Variants in TOX observed in about 807,000 individuals in gnomAD.
TOX encodes the protein thymocyte selection associated high mobility group box.
In TOX, 11 loss-of-function variants were observed where a neutral mutation model predicts 53.7. The observed-to-expected ratio is 0.20, with a 90% CI of 0.13 to 0.34. The LOEUF (loss-of-function observed/expected upper bound fraction) is 0.34, where lower values mean the gene tolerates loss of function less well. TOX is among the 10% of genes least tolerant of loss of function. The pLI is 1.00. For synonymous variants in TOX, 225 were observed against 245.3 expected (o/e 0.92, Z 0.77); for missense variants, 570 against 664.6 (o/e 0.86, Z 1.56).
At chr8:59,033,772 G>A (rs1390938591) in intron 1 of TOX, among the ~76,000 whole-genome samples, 1 of 152,136 alleles carries the variant, frequency 6.6e-6, no homozygotes, top group Non-Finnish European at 1.5e-5. Flanking sequence ...GCCCACACTG[G>A]AATGTATTTA....
chr8:58,813,884 G>C (rs1228354053), intron 7 of TOX, among the ~76,000 whole-genome samples: 1 of 152,146 alleles, frequency 6.6e-6, no homozygotes, highest in Non-Finnish European at 1.5e-5. Context: ...AAAGAGTTAA[G>C]AGTCTACAAG....
chr8:58,984,564 G>A lies in TOX; in HGVS notation c.103-24556C>T, dbSNP rs866995064. 1.3e-4 allele frequency among the ~76,000 whole-genome samples: 19 copies of A among 151,892 alleles called. No individual in the cohort carries two copies. The South Asian group carries it at 1.3e-3, about 10-fold the overall frequency. On this transcript the variant is annotated intron_variant, in intron 1 of 8. Coordinates refer to ENST00000361421, the MANE Select transcript of TOX (RefSeq NM_014729.3). ...TCCCAGCACTTTGGGAGGCCGAGGC[G>A]GGCAGATCACAAGGTCAGGAGATCG...
intron 6 of TOX, among the ~76,000 whole-genome samples, chr8:58,824,114 A>C (rs951509933): frequency 2.0e-5 from 3 of 152,182 alleles, no homozygotes; most frequent in African/African-American, 7.2e-5. Flanking sequence ...GCGGGAGAGC[A>C]CATTGAGAGG....
intron 3 of TOX, among the ~76,000 whole-genome samples, chr8:58,903,564 G>C (rs1010136592): frequency 6.6e-5 from 10 of 152,100 alleles, no homozygotes; most frequent in African/African-American, 2.4e-4. Flanking sequence ...GACTCAGTTG[G>C]GTGTTCCATC....
intron 1 of TOX, among the ~76,000 whole-genome samples, chr8:59,050,835 C>T (rs1803776423): frequency 6.6e-6 from 1 of 152,160 alleles, no homozygotes; most frequent in African/African-American, 2.4e-5. Flanking sequence ...AAAAAGCTCT[C>T]ATTGCATTCT....
At chr8:59,068,722 G>A (rs777299195) in intron 1 of TOX, among the ~76,000 whole-genome samples, 6 of 152,162 alleles carry the variant, frequency 3.9e-5, no homozygotes, top group African/African-American at 1.2e-4. Flanking sequence ...CCATCATGAC[G>A]AATGTTCGAG....
chr8:58,841,459 A>C (rs1810640321), intron 4 of TOX, among the ~76,000 whole-genome samples: 1 of 152,234 alleles, frequency 6.6e-6, no homozygotes, highest in Admixed American at 6.5e-5. Flanking sequence ...TTACATTCAC[A>C]ATCATAAAAT....
intron 1 of TOX, among the ~76,000 whole-genome samples, chr8:59,086,210 C>A (rs1288417895): frequency 6.6e-6 from 1 of 151,988 alleles, no homozygotes; most frequent in Non-Finnish European, 1.5e-5. Flanking sequence ...GTCTCATACT[C>A]CAGACCTCAA....
intron 3 of TOX, among the ~76,000 whole-genome samples, chr8:58,907,275 G>A (rs1228345478): frequency 1.3e-5 from 2 of 152,144 alleles, no homozygotes; most frequent in Admixed American, 6.5e-5. Context: ...CATTGGACTT[G>A]ATAATTTGGT....
At chr8:59,103,801 C>G (rs987978185) in intron 1 of TOX, among the ~76,000 whole-genome samples, 3 of 152,166 alleles carry the variant, frequency 2.0e-5, no homozygotes, top group Non-Finnish European at 2.9e-5. Flanking sequence ...ACTAAGCAAG[C>G]TATTTCAGGA....
chr8:59,000,545 G>A (rs1813671924), intron 1 of TOX, among the ~76,000 whole-genome samples: 1 of 152,050 alleles, frequency 6.6e-6, no homozygotes, highest in East Asian at 1.9e-4. Flanking sequence ...TAGTATAATT[G>A]TCTTGTTTAT....
At chr8:58,999,544 T>C (rs1813650322) in intron 1 of TOX, among the ~76,000 whole-genome samples, 2 of 152,144 alleles carry the variant, frequency 1.3e-5, no homozygotes, top group African/African-American at 4.8e-5. Flanking sequence ...GGTCAGTGAC[T>C]ACTGAGGGCA....
At chr8:58,987,444 T>C (rs1449943011) in intron 1 of TOX, among the ~76,000 whole-genome samples, 1 of 152,232 alleles carries the variant, frequency 6.6e-6, no homozygotes, top group African/African-American at 2.4e-5. Flanking sequence ...AGAATTTGCA[T>C]TCATTAAGTT....
chr8:58,893,257 A>G (rs1418225371), intron 3 of TOX, among the ~76,000 whole-genome samples: 3 of 152,212 alleles, frequency 2.0e-5, no homozygotes, highest in African/African-American at 7.2e-5. Flanking sequence ...TTCTGGGGAA[A>G]AATGGAGTTC....
chr8:58,948,078 A>T (rs1165236192), intron 2 of TOX, among the ~76,000 whole-genome samples: 1 of 152,208 alleles, frequency 6.6e-6, no homozygotes, highest in Admixed American at 6.5e-5. Context: ...AGCCGGAGTG[A>T]CACCAGAACA....
intron 1 of TOX, among the ~76,000 whole-genome samples, chr8:59,082,672 T>C (rs1432920670): frequency 1.3e-5 from 2 of 152,234 alleles, no homozygotes; most frequent in East Asian, 3.8e-4. Flanking sequence ...GACCCCCATG[T>C]ACCATACCCT....
At chr8:59,032,425 C>T (rs1814375456) in intron 1 of TOX, among the ~76,000 whole-genome samples, 1 of 152,194 alleles carries the variant, frequency 6.6e-6, no homozygotes, top group African/African-American at 2.4e-5. Flanking sequence ...ACTCCACCAA[C>T]AAACATTGTT....
chr8:59,037,104 C>T (rs955817974), intron 1 of TOX, among the ~76,000 whole-genome samples: 20 of 151,344 alleles, frequency 1.3e-4, no homozygotes, highest in Non-Finnish European at 2.9e-4. Flanking sequence ...CTTGTGAATC[C>T]AGATGGCGTT....
chr8:58,940,034 G>A (rs938444578), intron 2 of TOX, among the ~76,000 whole-genome samples: 10 of 152,140 alleles, frequency 6.6e-5, no homozygotes, highest in African/African-American at 2.2e-4. Context: ...AGAAAATGTC[G>A]TAGAAAAGAA....
Sources: allele counts gnomAD v4.1 joint callset (sites outside exome capture counted in the v4.1 genomes callset), GRCh38; gene constraint gnomAD v4.1.1; transcripts MANE v1.5; gene names NCBI Gene and HGNC (gene_info 2026-07-23, HGNC 2026-07-21).